FAM199X: variants seen among roughly 807,000 people sequenced by gnomAD.
FAM199X encodes family with sequence similarity 199, X-linked, also known as protein FAM199X.
FAM199X carries 4 observed loss-of-function variants against 22.9 expected under a neutral mutation model. That is an observed-to-expected ratio of 0.17 (90% confidence interval 0.09 to 0.40). FAM199X has a LOEUF of 0.40. FAM199X is among the 10% of genes least tolerant of loss of function. FAM199X has a pLI of 1.00. For synonymous variants in FAM199X, 101 were observed against 112.3 expected (o/e 0.90, Z 0.64); for missense variants, 183 against 306.8 (o/e 0.60, Z 3.01).
intron 2 of FAM199X, among the ~76,000 whole-genome samples, chrX:104,184,649 A>G (rs782806911): frequency 9.0e-6 from 1 of 111,178 alleles, no homozygotes; most frequent in South Asian, 3.7e-4. Flanking sequence ...GATTTTCTGT[A>G]TGTTAGGCTT....
In FAM199X at chrX:104,175,718, A is replaced by C. The variant is rs1556376261; in HGVS notation, c.293A>C (p.Tyr98Ser). Residue 98 changes from tyrosine (Y) to serine (S), a missense_variant, in exon 2 of 6, where the codon TAT (tyrosine) becomes TCT (serine). By Grantham distance (144) the Tyr-to-Ser change is moderately radical. Transcript: ENST00000493442. ...TCTGTTGGAGATCAAGATGATTGCT[A>C]TTCCCTGTTAGATGATCAGGACTTC... ...SVSVGDQDDC[Y>S]SLLDDQDFTS... 8.3e-7 allele frequency: 1 copy of C among 1,210,737 alleles called. No homozygotes were observed. Among genetic ancestry groups the C allele is most frequent in the Admixed American group, 2.2e-5 (1 of 46,006 alleles).
chrX:104,186,001 G>A, intron 2 of FAM199X, 65 bp from the exon 3 acceptor site: 4 of 1,014,510 alleles, frequency 3.9e-6, no homozygotes, highest in Non-Finnish European at 5.4e-6. Context: ...ATATATTGTA[G>A]TATTTAAAAT....
chrX:104,172,257 AG>A (rs1442729101), intron 1 of FAM199X, among the ~76,000 whole-genome samples: 45 of 105,801 alleles, frequency 4.3e-4, no homozygotes, highest in South Asian at 1.3e-3. Context: ...AAAAAAAAAA[AG>A]AAATGTGAAA....
the FAM199X span, among the ~76,000 whole-genome samples, chrX:104,160,175 C>T: frequency 8.9e-6 from 1 of 111,889 alleles, no homozygotes; most frequent in African/African-American, 3.2e-5. Context: ...AGCCATCGTA[C>T]CCATCTCTGG....
chrX:104,165,363 G>A (rs1242709143), upstream of FAM199X, among the ~76,000 whole-genome samples: 1 of 111,771 alleles, frequency 8.9e-6, no homozygotes, highest in Non-Finnish European at 1.9e-5. Flanking sequence ...AATGGGGCTT[G>A]TTTTAGTGAC....
At chrX:104,166,274 G>T (rs1556373805), upstream of FAM199X, among the ~76,000 whole-genome samples, 1 of 113,074 alleles carries the variant, frequency 8.8e-6, no homozygotes, top group East Asian at 2.8e-4. Flanking sequence ...GAGGAGGTTG[G>T]CCAGAGGCGC....
At chrX:104,185,622 T>G (rs1289356352) in intron 2 of FAM199X, among the ~76,000 whole-genome samples, 1 of 111,637 alleles carries the variant, frequency 9.0e-6, no homozygotes, top group Non-Finnish European at 1.9e-5. Flanking sequence ...TCTTTTTTTT[T>G]CTTTTGAGAT....
In FAM199X at chrX:104,189,991, C is replaced by T. The variant is rs1921897396; in HGVS notation, c.*213C>T. 2 of 374,137 alleles carry T rather than the reference C, an allele frequency of 5.3e-6. No individual in the cohort carries two copies. The highest frequency in any genetic ancestry group is 9.1e-6 in the Non-Finnish European group (2 of 218,711). The allele number at this position is 374,137 out of a possible 1,213,427, so 30.8% of individuals were successfully genotyped here. Reference sequence around the variant, plus strand: ...CATACTAGTGGGCCCCGCCCCCAGACATAGTGAATCAGAAACCAACAGGGA... The same window carrying T: ...CATACTAGTGGGCCCCGCCCCCAGATATAGTGAATCAGAAACCAACAGGGA... On this transcript the variant is annotated 3_prime_UTR_variant, in exon 6 of 6. Coordinates refer to ENST00000493442, the MANE Select transcript of FAM199X (RefSeq NM_207318.4).
rs1921900283 is a variant in FAM199X, at chrX:104,190,117, T to A, written c.*339T>A. On this transcript the variant is annotated 3_prime_UTR_variant, in exon 6 of 6. Coordinates refer to ENST00000493442, the MANE Select transcript of FAM199X (RefSeq NM_207318.4). ...GTAAACGTTTTGACTGTTTAAAGTT[T>A]ATGGCGGTGAAGTGGGCGTCTTCAA... 1 of 169,354 alleles carries A rather than the reference T, an allele frequency of 5.9e-6. No homozygotes were observed. The highest frequency in any genetic ancestry group is 1.1e-5 in the Non-Finnish European group (1 of 90,314). The allele number at this position is 169,354 out of a possible 1,213,427, so 14.0% of individuals were successfully genotyped here. A position where few individuals can be genotyped will look rare whatever the true frequency, so the allele number is the denominator to read the frequency against.
At chrX:104,186,787 G>T (rs1921815428) in intron 4 of FAM199X, among the ~76,000 whole-genome samples, 166 bp downstream of exon 4, 1 of 111,996 alleles carries the variant, frequency 8.9e-6, no homozygotes, top group Non-Finnish European at 1.9e-5. Flanking sequence ...GAGGTTTTAT[G>T]TACATCTCAC....
chrX:104,178,545 A>G (rs1261615766), intron 2 of FAM199X, among the ~76,000 whole-genome samples: 1 of 111,529 alleles, frequency 9.0e-6, no homozygotes, highest in Non-Finnish European at 1.9e-5. Flanking sequence ...CCTCCTGAGT[A>G]TCTGGGACTA....
In FAM199X at chrX:104,191,818, A is replaced by G. The variant is rs1214250253; in HGVS notation, c.*2040A>G. On this transcript the variant is annotated 3_prime_UTR_variant, in exon 6 of 6. Coordinates refer to ENST00000493442, the MANE Select transcript of FAM199X (RefSeq NM_207318.4). ...AAGGTCATGATATAATTTAAGACCA[A>G]TTCCCCTACTCTCCCAATAATCACA... The G allele has an allele frequency of 8.9e-6, 1 of 111,790 alleles. No individual in the cohort carries two copies. The highest frequency in any genetic ancestry group is 1.9e-5 in the Non-Finnish European group (1 of 53,073). 9.2% of individuals were successfully genotyped at this position (111,790 alleles called of 1,213,427 possible). A position where few individuals can be genotyped will look rare whatever the true frequency, so the allele number is the denominator to read the frequency against.
rs1456494313 is a variant in FAM199X, at chrX:104,190,688, T to C, written c.*910T>C. 9.0e-6 allele frequency: 1 copy of C among 111,576 alleles called. No individual in the cohort carries two copies. Among genetic ancestry groups the C allele is most frequent in the African/African-American group, 3.3e-5 (1 of 30,707 alleles). The allele number at this position is 111,576 out of a possible 1,213,427, so 9.2% of individuals were successfully genotyped here. On this transcript the variant is annotated 3_prime_UTR_variant, in exon 6 of 6. Coordinates refer to ENST00000493442, the MANE Select transcript of FAM199X (RefSeq NM_207318.4). ...CTATATCTCTCTCAAGTTCTTATTG[T>C]AGGTCATTTTTTTTTCAGCACAGCT...
At chrX:104,186,946 A>G (rs1359504372) in intron 4 of FAM199X, among the ~76,000 whole-genome samples, 1 of 111,807 alleles carries the variant, frequency 8.9e-6, no homozygotes, top group African/African-American at 3.3e-5. Flanking sequence ...TTGACAATCA[A>G]AATACTAATT....
chrX:104,184,972 C>T (rs5962294), intron 2 of FAM199X, among the ~76,000 whole-genome samples: 24 of 105,640 alleles, frequency 2.3e-4, no homozygotes, highest in African/African-American at 7.9e-4. Context: ...GATGAGGTCT[C>T]GCTATGTTGG....
rs782449156 is a variant in FAM199X at position 104,187,638 on chromosome X, AG to A, written c.730-400del. 2.7e-5 allele frequency among the ~76,000 whole-genome samples: 3 copies of A among 112,233 alleles called. No individual in the cohort carries two copies. In the South Asian group the frequency reaches 1.1e-3, roughly 42 times the overall value. On this transcript the variant is annotated intron_variant, in intron 4 of 5. Transcript: ENST00000493442. ...TATTGTTGGCCCCTAGCTAAGATTT[AG>A]GAAACAACCTAATCTTAGATAAAAT...
rs1556374100 is a variant in FAM199X at position 104,166,923 on chromosome X, C to T, written c.138C>T (p.Phe46=). Residue 46 remains phenylalanine (F), a synonymous_variant, in exon 1 of 6, where the codon TTC becomes TTT. Transcript: ENST00000493442. Reference sequence around the variant, plus strand: ...CGGGCTGCCTGGACATCAGCGACTTCGGCTGCCAGCTGTCCTCCTGCCATC... The same window carrying T: ...CGGGCTGCCTGGACATCAGCGACTTTGGCTGCCAGCTGTCCTCCTGCCATC... The part of the protein sequence containing the change: ...EEPGCLDISD[F]GCQLSSCHRT... 2 of 1,196,629 alleles carry T rather than the reference C, an allele frequency of 1.7e-6. No individual in the cohort carries two copies. The highest frequency in any genetic ancestry group is 2.2e-5 in the Admixed American group (1 of 44,843).
chrX:104,180,614 G>A (rs1244717180), intron 2 of FAM199X, among the ~76,000 whole-genome samples: 1 of 111,178 alleles, frequency 9.0e-6, no homozygotes, highest in African/African-American at 3.3e-5. Context: ...TTTCCCACTT[G>A]TGAAATTGGA....
upstream of FAM199X, among the ~76,000 whole-genome samples, chrX:104,162,446 G>A (rs1170712339): frequency 8.9e-6 from 1 of 111,851 alleles, no homozygotes; most frequent in Non-Finnish European, 1.9e-5. Context: ...CGTTTTCTAA[G>A]TCTATCTTTC....
Sources: allele counts gnomAD v4.1 joint callset (sites outside exome capture counted in the v4.1 genomes callset), GRCh38; gene constraint gnomAD v4.1.1; transcripts MANE v1.5; gene names NCBI Gene and HGNC (gene_info 2026-07-23, HGNC 2026-07-21).